DOCK3: variants seen among roughly 807,000 people sequenced by gnomAD.
DOCK3 encodes the protein dedicator of cytokinesis 3, also known as dedicator of cytokinesis protein 3.
DOCK3 carries 60 observed loss-of-function variants against 265.6 expected under a neutral mutation model. The ratio of observed to expected loss-of-function variants is 0.23; its 90% CI spans 0.18 to 0.28. The LOEUF (loss-of-function observed/expected upper bound fraction) is 0.28. Among genes scored for constraint, DOCK3 ranks in the 10% least tolerant of loss-of-function variants. DOCK3 has a pLI of 1.00. For missense variants in DOCK3, 1,981 were observed against 2,594.3 expected (o/e 0.76, Z 5.14); for synonymous variants, 881 against 938.0 (o/e 0.94, Z 1.11).
At chr3:50,986,670 C>A (rs1283670363) in intron 5 of DOCK3, among the ~76,000 whole-genome samples, 1 of 152,184 alleles carries the variant, frequency 6.6e-6, no homozygotes, top group African/African-American at 2.4e-5. Context: ...TCTTTTATTT[C>A]TGCCTCACAC....
At chr3:51,278,507 GCAGGGAGCACT>G (rs1173924251) in intron 26 of DOCK3, 21 of 985,292 alleles carry the variant, frequency 2.1e-5, no homozygotes, top group Non-Finnish European at 2.5e-5. Context: ...GCTAGGGAGA[GCAGGGAGCACT>G]CAGGGAGCAG....
At chr3:51,379,544 C>T (rs1460504076) in intron 51 of DOCK3, 1 of 985,488 alleles carries the variant, frequency 1.0e-6, no homozygotes, top group Non-Finnish European at 1.2e-6. Context: ...CCTGGCCCCC[C>T]CAGTGCCTCC....
chr3:51,114,375 C>T (rs759450848), intron 9 of DOCK3, among the ~76,000 whole-genome samples: 12 of 152,322 alleles, frequency 7.9e-5, no homozygotes, highest in East Asian at 7.7e-4. Flanking sequence ...GAGGCAGGGA[C>T]GCTTCCTGTG....
At chr3:50,680,650 T>A (rs1018984192) in intron 1 of DOCK3, among the ~76,000 whole-genome samples, 1 of 150,794 alleles carries the variant, frequency 6.6e-6, no homozygotes, top group Non-Finnish European at 1.5e-5. Flanking sequence ...GGACAACAGG[T>A]CCATGCCACC....
At chr3:51,340,421 CA>C (rs35052854) in intron 37 of DOCK3, among the ~76,000 whole-genome samples, 1 of 152,066 alleles carries the variant, frequency 6.6e-6, no homozygotes, top group Non-Finnish European at 1.5e-5. Context: ...AGGGCACAGG[CA>C]AAAAGGCAAG....
chr3:50,784,888 G>T (rs2108557755), intron 2 of DOCK3, among the ~76,000 whole-genome samples: 1 of 152,328 alleles, frequency 6.6e-6, no homozygotes, highest in African/African-American at 2.4e-5. Context: ...CAGGCACGGT[G>T]GCTCACGCCT....
chr3:51,379,349 T>C (rs1267195361), intron 51 of DOCK3: 3 of 971,836 alleles, frequency 3.1e-6, no homozygotes, highest in Non-Finnish European at 1.2e-6. Context: ...ACATGTGTGC[T>C]GGATACGTGG....
rs181937848 is a variant in DOCK3, at chr3:50,681,844, G to C, written c.37+6544G>C. Reference sequence around the variant, plus strand: ...GAGAACCAACATGATAGAAGAATTAGAGTGTGATAAACACAGAACTTGATA... The same window carrying C: ...GAGAACCAACATGATAGAAGAATTACAGTGTGATAAACACAGAACTTGATA... On this transcript the variant is annotated intron_variant, in intron 1 of 52. Transcript: ENST00000266037. 8.3e-4 allele frequency among the ~76,000 whole-genome samples: 126 copies of C among 152,338 alleles called. 1 individual carries two copies. In the South Asian group the frequency reaches 0.015, roughly 18 times the overall value.
chr3:51,138,450 G>A (rs1448015330), intron 9 of DOCK3, among the ~76,000 whole-genome samples: 2 of 152,212 alleles, frequency 1.3e-5, no homozygotes, highest in Non-Finnish European at 2.9e-5. Flanking sequence ...GGTGAAACTA[G>A]AGTATGAAAG....
intron 2 of DOCK3, among the ~76,000 whole-genome samples, chr3:50,821,748 G>A (rs2044447733): frequency 6.6e-6 from 1 of 152,148 alleles, no homozygotes; most frequent in African/African-American, 2.4e-5. Flanking sequence ...TATTGAATAG[G>A]GAGTCCTTTC....
At chr3:50,974,064 A>G (rs1195934646) in intron 5 of DOCK3, among the ~76,000 whole-genome samples, 8 of 150,752 alleles carry the variant, frequency 5.3e-5, no homozygotes, top group African/African-American at 1.7e-4. Context: ...AGTAGGTTGC[A>G]AAAATTTTCT....
chr3:51,156,964 G>T (rs1029073748), intron 10 of DOCK3, among the ~76,000 whole-genome samples: 3 of 152,012 alleles, frequency 2.0e-5, no homozygotes, highest in African/African-American at 7.2e-5. Flanking sequence ...ATATAAAAAT[G>T]GTAACCTGGT....
At chr3:51,076,168 A>G (rs990405017) in intron 7 of DOCK3, among the ~76,000 whole-genome samples, 2 of 152,218 alleles carry the variant, frequency 1.3e-5, no homozygotes, top group Non-Finnish European at 2.9e-5. Flanking sequence ...AAATTTGCCT[A>G]AGTAATATGC....
intron 3 of DOCK3, among the ~76,000 whole-genome samples, chr3:50,882,779 A>G (rs2048115131): frequency 6.6e-6 from 1 of 152,250 alleles, no homozygotes; most frequent in Non-Finnish European, 1.5e-5. Context: ...ATATACCCAA[A>G]GGATTATAAA....
At chr3:50,967,265 T>G (rs1304909254) in intron 5 of DOCK3, among the ~76,000 whole-genome samples, 2 of 152,182 alleles carry the variant, frequency 1.3e-5, no homozygotes, top group African/African-American at 4.8e-5. Context: ...TGACAACATG[T>G]GATATTTGTC....
At chr3:50,758,860 CAT>C (rs1344841550) in intron 1 of DOCK3, among the ~76,000 whole-genome samples, 4 of 152,154 alleles carry the variant, frequency 2.6e-5, no homozygotes, top group African/African-American at 9.7e-5. Flanking sequence ...ATAGTGGAAT[CAT>C]ATAAAATTTT....
At chr3:50,926,015 T>C (rs1410106895) in intron 4 of DOCK3, among the ~76,000 whole-genome samples, 1 of 151,782 alleles carries the variant, frequency 6.6e-6, no homozygotes, top group African/African-American at 2.4e-5. Flanking sequence ...GTATTTTTAG[T>C]AGAGATAGGG....
Position 50,846,857 on chromosome 3 carries a change from A to G in DOCK3, c.162+5142A>G, listed in dbSNP as rs9870101. 2.8e-3 allele frequency among the ~76,000 whole-genome samples: 421 copies of G among 152,190 alleles called. 1 individual carries two copies. The highest frequency in any genetic ancestry group is 9.7e-3 in the African/African-American group (403 of 41,538). On this transcript the variant is annotated intron_variant, in intron 3 of 52. Coordinates refer to ENST00000266037, the MANE Select transcript of DOCK3 (RefSeq NM_004947.5). ...CTTTCGTATTTGTGTGGGATTGGCT[A>G]TAATGTCACCTTTGTCATTTCTGAT...
chr3:51,223,237 C>A (rs1452084959), intron 14 of DOCK3, among the ~76,000 whole-genome samples: 1 of 152,166 alleles, frequency 6.6e-6, no homozygotes, highest in Non-Finnish European at 1.5e-5. Context: ...CCACCATGCT[C>A]AGCCCCTAGT....
Sources: gnomAD v4.1 joint callset for allele counts (sites outside exome capture counted in the v4.1 genomes callset) on GRCh38, gnomAD v4.1.1 for gene constraint, MANE v1.5 for transcripts, NCBI Gene and HGNC (gene_info 2026-07-23, HGNC 2026-07-21) for gene names.